The following PPIP5K1 variants were observed in gnomAD, a reference collection of about 807,000 sequenced individuals.
PPIP5K1 encodes the protein inositol hexakisphosphate and diphosphoinositol-pentakisphosphate kinase 1.
In PPIP5K1, 6 loss-of-function variants were observed where a neutral mutation model predicts 27.7. The ratio of observed to expected loss-of-function variants is 0.22; its 90% CI spans 0.12 to 0.43. The LOEUF is 0.43. Among genes scored for constraint, PPIP5K1 ranks in the 20% least tolerant of loss-of-function variants. The pLI is 1.00. For synonymous variants in PPIP5K1, 145 were observed against 242.6 expected, an observed-to-expected ratio of 0.60 and a Z score of 3.74; for missense variants, 394 against 635.4, an observed-to-expected ratio of 0.62 and a Z score of 4.08.
chr15:43,558,800 G>C lies in PPIP5K1; in HGVS notation c.3551C>G (p.Ser1184Cys), dbSNP rs1167830692. ...QRHTDAQAQA[S>C]AALFDSMHSS... The stretch of plus-strand genomic sequence containing the variant: ...AAAAATAAGAATATCCCTACCTGCA[G>C]ATGCCTGTGCCTGGGCATCAGTGTG... Residue 1184 changes from serine to cysteine, a missense_variant, in exon 30 of 32, where the codon TCT becomes TGT. Physicochemically the swap from Ser to Cys is moderately radical, Grantham distance 112. Coordinates refer to ENST00000420765, the MANE Select transcript of PPIP5K1 (RefSeq NM_001394395.1). 2 of 1,613,900 alleles carry C rather than the reference G, an allele frequency of 1.2e-6. No individual in the cohort carries two copies.
At chr15:43,550,863 G>A (rs565885089) in intron 30 of PPIP5K1, among the ~76,000 whole-genome samples, 1 of 152,280 alleles carries the variant, frequency 6.6e-6, no homozygotes, top group South Asian at 2.1e-4. Context: ...TTAGATGACT[G>A]TGTTTTTTTC....
chr15:43,551,130 G>A (rs185508018), intron 30 of PPIP5K1, among the ~76,000 whole-genome samples: 3 of 152,256 alleles, frequency 2.0e-5, no homozygotes, highest in East Asian at 3.9e-4. Context: ...TTGGAAGAGC[G>A]TGAGTAGACT....
chr15:43,541,589 C>T (rs775281003), intron 30 of PPIP5K1, among the ~76,000 whole-genome samples: 1 of 151,950 alleles, frequency 6.6e-6, no homozygotes, highest in Non-Finnish European at 1.5e-5. Flanking sequence ...TGGTGGTGGG[C>T]GCCTGTAATC....
At chr15:43,552,969 G>A (rs1343349148) in intron 30 of PPIP5K1, among the ~76,000 whole-genome samples, 1 of 152,108 alleles carries the variant, frequency 6.6e-6, no homozygotes, top group African/African-American at 2.4e-5. Context: ...TTGAATGCAG[G>A]AGGTTGCAGT....
intron 30 of PPIP5K1, among the ~76,000 whole-genome samples, chr15:43,557,371 C>G (rs2083115390): frequency 6.6e-6 from 1 of 152,070 alleles, no homozygotes; most frequent in Admixed American, 6.6e-5. Flanking sequence ...CTGCTTGAAC[C>G]CAGGAGATGG....
intron 30 of PPIP5K1, 113 bp downstream of exon 30, chr15:43,558,682 T>A (rs2083363958): frequency 4.2e-6 from 6 of 1,413,376 alleles, no homozygotes; most frequent in Non-Finnish European, 4.8e-6. Context: ...TTAAGTGTAC[T>A]TTTGTGTCTT....
chr15:43,542,997 A>G (rs1026879528), intron 30 of PPIP5K1, among the ~76,000 whole-genome samples: 1 of 151,712 alleles, frequency 6.6e-6, no homozygotes, highest in Admixed American at 6.6e-5. Flanking sequence ...TTAATGCCCA[A>G]ATTGTCCCAA....
At chr15:43,538,176 T>C (rs140606037) in intron 31 of PPIP5K1, among the ~76,000 whole-genome samples, 1 of 152,314 alleles carries the variant, frequency 6.6e-6, no homozygotes, top group East Asian at 1.9e-4. Flanking sequence ...TTAAGTCCAA[T>C]GCTGAATGAA....
chr15:43,556,916 G>A (rs1277761850), intron 30 of PPIP5K1, among the ~76,000 whole-genome samples: 1 of 152,106 alleles, frequency 6.6e-6, no homozygotes, highest in Non-Finnish European at 1.5e-5. Flanking sequence ...CATTTTCCTG[G>A]TTACTGAAAA....
chr15:43,536,063 C>T, intron 31 of PPIP5K1: 1 of 1,267,998 alleles, frequency 7.9e-7, no homozygotes, highest in Non-Finnish European at 1.0e-6. Flanking sequence ...TATTTATAGC[C>T]CAAATGATAA....
chr15:43,544,807 TG>T (rs1373762224), intron 30 of PPIP5K1, among the ~76,000 whole-genome samples: 1 of 152,036 alleles, frequency 6.6e-6, no homozygotes, highest in East Asian at 1.9e-4. Context: ...AGCAAGACCC[TG>T]TCTCTAAAAA....
At chr15:43,537,372 AGAAT>A in intron 31 of PPIP5K1, 4 of 279,732 alleles carry the variant, frequency 1.4e-5, no homozygotes, top group East Asian at 2.1e-4. Context: ...AAAAAAAAAA[AGAAT>A]CAAAGGAGGC....
intron 26 of PPIP5K1, among the ~76,000 whole-genome samples, chr15:43,567,116 G>A (rs1221810979): frequency 1.9e-5 from 2 of 105,286 alleles, no homozygotes; most frequent in South Asian, 2.9e-4. Flanking sequence ...TTGTTGTTTC[G>A]GGTTTTTTTT....
At chr15:43,547,623 T>G (rs567189271) in intron 30 of PPIP5K1, among the ~76,000 whole-genome samples, 1 of 152,242 alleles carries the variant, frequency 6.6e-6, no homozygotes, top group Non-Finnish European at 1.5e-5. Flanking sequence ...TCTTTCTCCA[T>G]TGAATAGTTT....
rs2083392498 is a variant in PPIP5K1 at position 43,558,823 on chromosome 15, G to A, written c.3528C>T (p.His1176=). ...SEFLSRVCQR[H]TDAQAQASAA... The stretch of plus-strand genomic sequence containing the variant: ...CAGATGCCTGTGCCTGGGCATCAGT[G>A]TGGCGCTGGCAGACTCTACTCAAGA... The change falls in exon 30 of 32, where the codon CAC becomes CAT. Residue 1176 remains histidine, a synonymous_variant. Coordinates refer to ENST00000420765, the MANE Select transcript of PPIP5K1 (RefSeq NM_001394395.1). 3 of 1,614,102 alleles carry A rather than the reference G, an allele frequency of 1.9e-6. No individual in the cohort carries two copies. The highest frequency in any genetic ancestry group is 1.7e-6 in the Non-Finnish European group (2 of 1,180,038).
At chr15:43,539,870 C>T (rs1351219359) in intron 30 of PPIP5K1, among the ~76,000 whole-genome samples, 2 of 152,240 alleles carry the variant, frequency 1.3e-5, no homozygotes, top group African/African-American at 4.8e-5. Context: ...ATACTTGTTT[C>T]ATCTATTTCT....
intron 11 of PPIP5K1, among the ~76,000 whole-genome samples, chr15:43,578,397 A>AT (rs1369478991): frequency 5.8e-5 from 1 of 17,234 alleles, no homozygotes; most frequent in African/African-American, 1.2e-4. Context: ...TTATCCAGGC[A>AT]TGGTGCCACA....
intron 26 of PPIP5K1, among the ~76,000 whole-genome samples, chr15:43,567,118 GTTTTT>G (rs148202516): frequency 3.1e-5 from 3 of 96,976 alleles, no homozygotes; most frequent in Non-Finnish European, 5.3e-5. Flanking sequence ...GTTGTTTCGG[GTTTTT>G]TTTTTTTTTT....
chr15:43,537,116 C>T (rs938943018), intron 31 of PPIP5K1, among the ~76,000 whole-genome samples: 3 of 151,660 alleles, frequency 2.0e-5, no homozygotes, highest in Non-Finnish European at 4.4e-5. Context: ...GTGGGCAGAT[C>T]ACAAGGTCAG....
Sources: gnomAD v4.1 joint callset for allele counts (sites outside exome capture counted in the v4.1 genomes callset) on GRCh38, gnomAD v4.1.1 for gene constraint, MANE v1.5 for transcripts, NCBI Gene and HGNC (gene_info 2026-07-23, HGNC 2026-07-21) for gene names.